The following LRBA variants were observed in gnomAD, a reference collection of about 807,000 sequenced individuals.
The protein encoded by LRBA is lipopolysaccharide-responsive and beige-like anchor protein.
LRBA carries 176 observed loss-of-function variants against 330.0 expected under a neutral mutation model. The ratio of observed to expected loss-of-function variants is 0.53; its 90% confidence interval spans 0.47 to 0.60. LRBA has a LOEUF of 0.60. Ranked by LOEUF, LRBA falls within the 20% of genes least tolerant of loss-of-function variation. The pLI is 0.00. For missense variants in LRBA, 3,259 were observed against 3,444.8 expected, an observed-to-expected ratio of 0.95 and a Z score of 1.35; for synonymous variants, 1,230 against 1,193.0, an observed-to-expected ratio of 1.03 and a Z score of -0.64.
intron 2 of LRBA, among the ~76,000 whole-genome samples, chr4:151,009,027 A>ATATATAT (rs1491517032): frequency 3.0e-4 from 4 of 13,470 alleles, no homozygotes; most frequent in African/African-American, 9.9e-4. Flanking sequence ...ATATATATAT[A>ATATATAT]AAATGGTATT....
chr4:150,314,405 A>G (rs1439099783), intron 51 of LRBA, among the ~76,000 whole-genome samples: 3 of 152,158 alleles, frequency 2.0e-5, no homozygotes, highest in Non-Finnish European at 4.4e-5. Flanking sequence ...GGGAAATGAT[A>G]AATGAATTGG....
chr4:150,725,338 A>G (rs1002443015), intron 36 of LRBA, among the ~76,000 whole-genome samples: 4 of 152,204 alleles, frequency 2.6e-5, no homozygotes, highest in Non-Finnish European at 4.4e-5. Flanking sequence ...TCCTAAATGC[A>G]GCAAGAGAAA....
At chr4:150,487,895 T>A in intron 41 of LRBA, 61 bp from the exon 42 acceptor site, 3 of 797,262 alleles carry the variant, frequency 3.8e-6, no homozygotes, top group South Asian at 3.8e-5. Flanking sequence ...GAAAACTGAC[T>A]CCTTGGTCCA....
intron 24 of LRBA, 70 bp from the exon 25 acceptor site, chr4:150,849,645 G>A: frequency 7.9e-7 from 1 of 1,271,512 alleles, no homozygotes; most frequent in Non-Finnish European, 1.1e-6. Context: ...TACTTGAGGG[G>A]AGGAAAGATA....
chr4:150,457,182 T>C (rs1044575374), intron 44 of LRBA, among the ~76,000 whole-genome samples: 3 of 152,110 alleles, frequency 2.0e-5, no homozygotes, highest in African/African-American at 7.2e-5. Context: ...AAAACTTGCT[T>C]CAAATGATAA....
intron 42 of LRBA, among the ~76,000 whole-genome samples, chr4:150,483,957 G>C (rs571724169): frequency 1.0e-3 from 158 of 152,118 alleles, no homozygotes; most frequent in Middle Eastern, 3.4e-3. Context: ...ATAAAATTGA[G>C]TTTTATATAC....
At chr4:150,713,099 G>A (rs1329388131) in intron 36 of LRBA, among the ~76,000 whole-genome samples, 1 of 151,958 alleles carries the variant, frequency 6.6e-6, no homozygotes, top group East Asian at 1.9e-4. Context: ...ACCAAGCCCA[G>A]CTAATTTTTA....
chr4:150,355,960 G>T (rs1167471386), intron 47 of LRBA, among the ~76,000 whole-genome samples: 1 of 151,978 alleles, frequency 6.6e-6, no homozygotes, highest in African/African-American at 2.4e-5. Context: ...TACACACAGA[G>T]ATTTAAAATG....
chr4:150,268,867 C>CAACA (rs1190813346), intron 56 of LRBA, among the ~76,000 whole-genome samples: 3 of 152,138 alleles, frequency 2.0e-5, no homozygotes, highest in Admixed American at 2.0e-4. Flanking sequence ...CACTCTTATC[C>CAACA]AACAGTACTG....
chr4:151,010,087 TAA>T (rs1561128445), intron 2 of LRBA, among the ~76,000 whole-genome samples: 1 of 152,124 alleles, frequency 6.6e-6, no homozygotes, highest in African/African-American at 2.4e-5. Context: ...CCATTTTATA[TAA>T]GAGACTGGAG....
At chr4:150,618,084 T>C (rs961585112) in intron 37 of LRBA, among the ~76,000 whole-genome samples, 8 of 152,060 alleles carry the variant, frequency 5.3e-5, no homozygotes, top group African/African-American at 1.9e-4. Flanking sequence ...CCAGCCTGGG[T>C]GACAGAGCAG....
intron 2 of LRBA, among the ~76,000 whole-genome samples, chr4:150,950,370 T>C (rs780362962): frequency 2.0e-5 from 3 of 152,152 alleles, no homozygotes; most frequent in South Asian, 2.1e-4. Flanking sequence ...TGTTTAAAAC[T>C]ATAGCATCAC....
At chr4:150,575,985 G>A (rs965659240) in intron 40 of LRBA, among the ~76,000 whole-genome samples, 2 of 151,702 alleles carry the variant, frequency 1.3e-5, no homozygotes, top group Admixed American at 6.6e-5. Context: ...GGTTCTCCAG[G>A]TAGAAAAGTC....
intron 36 of LRBA, among the ~76,000 whole-genome samples, chr4:150,706,986 G>A (rs965944491): frequency 6.6e-6 from 1 of 151,624 alleles, no homozygotes; most frequent in Non-Finnish European, 1.5e-5. Flanking sequence ...GTTGATCAAA[G>A]TATAAAAATT....
At chr4:150,489,272 A>C (rs1758433665) in intron 41 of LRBA, among the ~76,000 whole-genome samples, 1 of 58,448 alleles carries the variant, frequency 1.7e-5, no homozygotes, top group African/African-American at 7.4e-5. Context: ...AAGAATATAT[A>C]ATATATTATA....
intron 35 of LRBA, among the ~76,000 whole-genome samples, chr4:150,741,288 A>C (rs533105893): frequency 5.4e-4 from 83 of 152,312 alleles, no homozygotes; most frequent in African/African-American, 1.9e-3. Context: ...CTGCTATCTT[A>C]AATATATTAA....
chr4:150,528,351 A>G (rs936782977), intron 40 of LRBA, among the ~76,000 whole-genome samples: 2 of 152,150 alleles, frequency 1.3e-5, no homozygotes, highest in South Asian at 4.2e-4. Context: ...TACAAAAAAA[A>G]TTAGCCAGGC....
chr4:150,392,535 G>A (rs1744132954), intron 47 of LRBA, among the ~76,000 whole-genome samples: 1 of 152,036 alleles, frequency 6.6e-6, no homozygotes, highest in Non-Finnish European at 1.5e-5. Context: ...CACATTGTTG[G>A]TAGGGCTTCA....
chr4:150,599,013 C>A lies in LRBA; in HGVS notation c.6040G>T (p.Glu2014Ter). The change falls in exon 38 of 57, where the codon GAA becomes TAA. Residue 2014 changes from glutamate to a stop codon, truncating the protein, a stop_gained. Coordinates refer to ENST00000651943, the MANE Select transcript of LRBA (RefSeq NM_001364905.1). LOFTEE classifies it high-confidence loss of function. ...GAATGGTTTATACACTGACCATGTT[C>A]CACGGCTGTTTTTAGTGTCGCTTCA... ...HPEATLKTAV[E>*]HATDEDILAK... 6.2e-7 allele frequency: 1 copy of A among 1,613,996 alleles called. No individual in the cohort carries two copies.
Sources: allele counts gnomAD v4.1 joint callset (sites outside exome capture counted in the v4.1 genomes callset), GRCh38; gene constraint gnomAD v4.1.1; transcripts MANE v1.5; gene names NCBI Gene and HGNC (gene_info 2026-07-23, HGNC 2026-07-21).